SHCBP1L: variants seen among roughly 807,000 people sequenced by gnomAD.
The protein encoded by SHCBP1L is SHC binding and spindle associated 1 like.
A neutral mutation model predicts 62.5 loss-of-function variants in SHCBP1L; 67 were observed. The ratio of observed to expected loss-of-function variants is 1.07; its 90% CI spans 0.88 to 1.31. The LOEUF is 1.31. Among genes scored for constraint, SHCBP1L ranks in the 40% most tolerant of loss-of-function variants. The probability of loss-of-function intolerance (pLI) is 0.00; values close to 1 mark genes in which losing one functional copy is unlikely to be tolerated. For synonymous variants in SHCBP1L, 284 were observed against 289.4 expected, an observed-to-expected ratio of 0.98 and a Z score of 0.19; for missense variants, 823 against 809.8, an observed-to-expected ratio of 1.02 and a Z score of -0.20.
intron 5 of SHCBP1L, among the ~76,000 whole-genome samples, chr1:182,935,306 A>C (rs988016505): frequency 1.1e-4 from 17 of 152,186 alleles, no homozygotes; most frequent in African/African-American, 3.6e-4. Flanking sequence ...CTTCCAATCC[A>C]AGAACATAAG....
At chr1:182,943,377 C>A (rs1651436377) in intron 2 of SHCBP1L, among the ~76,000 whole-genome samples, 2 of 150,794 alleles carry the variant, frequency 1.3e-5, no homozygotes. Flanking sequence ...CTGCCTCAGC[C>A]TCTCAAAGCG....
chr1:182,943,459 T>C (rs577404376), intron 2 of SHCBP1L, among the ~76,000 whole-genome samples: 1 of 150,820 alleles, frequency 6.6e-6, no homozygotes, highest in Non-Finnish European at 1.5e-5. Flanking sequence ...TTTTGTTTTT[T>C]TTTTTGAGAC....
At chr1:182,912,897 G>A (rs919856173) in intron 6 of SHCBP1L, among the ~76,000 whole-genome samples, 12 of 151,790 alleles carry the variant, frequency 7.9e-5, no homozygotes, top group African/African-American at 2.9e-4. Context: ...AGCACTTTGG[G>A]AGGCTGAGGT....
chr1:182,940,539 G>A lies in SHCBP1L; in HGVS notation c.560C>T (p.Thr187Ile). Residue 187 changes from threonine to isoleucine, a missense_variant, in exon 3 of 10, where the codon ACT (threonine) becomes ATT (isoleucine). Transcript: ENST00000367547. Reference protein sequence around the residue: ...IPFVGILVEVTCEPYQDSSSR... With the variant: ...IPFVGILVEVICEPYQDSSSR... ...TGATGAGTCTTGGTATGGTTCACAAGTTACCTAAGATAAATATCATAAGAG... is the reference window on the plus strand; with the variant it reads ...TGATGAGTCTTGGTATGGTTCACAAATTACCTAAGATAAATATCATAAGAG... 4 of 1,612,762 alleles carry A rather than the reference G, an allele frequency of 2.5e-6. No individual in the cohort carries two copies. The highest frequency in any genetic ancestry group is 3.4e-6 in the Non-Finnish European group (4 of 1,179,244).
At chr1:182,944,157 A>AAATAAAT (rs1261244494) in intron 2 of SHCBP1L, among the ~76,000 whole-genome samples, 14 of 53,302 alleles carry the variant, frequency 2.6e-4, no homozygotes, top group Admixed American at 2.0e-3. Context: ...AATAAATAAA[A>AAATAAAT]GAGGCCGGGA....
chr1:182,931,973 T>A (rs996603879), intron 5 of SHCBP1L, among the ~76,000 whole-genome samples: 1 of 142,472 alleles, frequency 7.0e-6, no homozygotes, highest in African/African-American at 2.6e-5. Flanking sequence ...TTTTTTTTTT[T>A]ACTGCCTCCA....
chr1:182,951,559 T>C, intron 1 of SHCBP1L, 92 bp from the exon 2 acceptor site: 1 of 908,180 alleles, frequency 1.1e-6, no homozygotes, highest in Non-Finnish European at 1.5e-6. Context: ...ATTTCTATTT[T>C]AAAATGGAAC....
At position 182,940,453 on chromosome 1, in the gene SHCBP1L, G is replaced by T; in HGVS notation, c.646C>A (p.Pro216Thr). ...EPFSSNIANI[P>T]RDLVDEILEE... is the part of the protein sequence containing the mutation. The stretch of plus-strand genomic sequence containing the variant: ...AAAATCTCATCAACCAAATCTCTTG[G>T]AATATTTGCAATGTTGGAAGAAAAG... Residue 216 changes from proline (P) to threonine (T), a missense_variant, in exon 3 of 10, where the codon CCA becomes ACA. Pro to Thr is a conservative substitution (Grantham distance 38). Coordinates refer to ENST00000367547, the MANE Select transcript of SHCBP1L (RefSeq NM_030933.4). 1 of 1,613,888 alleles carries T rather than the reference G, an allele frequency of 6.2e-7. No homozygotes were observed. The highest frequency in any genetic ancestry group is 8.5e-7 in the Non-Finnish European group (1 of 1,179,944).
intron 5 of SHCBP1L, among the ~76,000 whole-genome samples, chr1:182,931,200 A>G (rs992954726): frequency 2.6e-5 from 4 of 152,054 alleles, no homozygotes; most frequent in African/African-American, 9.7e-5. Flanking sequence ...TTTTATATCT[A>G]TTTAAGCAAG....
At chr1:182,930,179 T>C (rs896060495) in intron 5 of SHCBP1L, among the ~76,000 whole-genome samples, 4 of 152,200 alleles carry the variant, frequency 2.6e-5, no homozygotes, top group Admixed American at 2.0e-4. Context: ...TCAATTAATA[T>C]ATCGTTTTGT....
chr1:182,934,438 C>A (rs1651103845), intron 5 of SHCBP1L, among the ~76,000 whole-genome samples: 1 of 152,082 alleles, frequency 6.6e-6, no homozygotes, highest in Non-Finnish European at 1.5e-5. Context: ...TTACTAATGA[C>A]AAATGAGGTT....
At chr1:182,926,288 G>C (rs958476445) in intron 6 of SHCBP1L, among the ~76,000 whole-genome samples, 1 of 152,186 alleles carries the variant, frequency 6.6e-6, no homozygotes, top group African/African-American at 2.4e-5. Context: ...AGAATCAGTA[G>C]TACAGATGGA....
At chr1:182,940,746 T>C (rs2101952571) in intron 2 of SHCBP1L, among the ~76,000 whole-genome samples, 1 of 152,200 alleles carries the variant, frequency 6.6e-6, no homozygotes, top group East Asian at 1.9e-4. Context: ...AATACATTTT[T>C]TTTCAGTTTC....
intron 6 of SHCBP1L, among the ~76,000 whole-genome samples, chr1:182,909,430 G>C (rs569318553): frequency 2.2e-4 from 33 of 152,274 alleles, no homozygotes; most frequent in African/African-American, 7.5e-4. Flanking sequence ...TTAACAAACT[G>C]GCGGAAACAC....
rs757425525 is a variant in SHCBP1L at position 182,951,317 on chromosome 1, C to A, written c.555+1G>T. ...ACAAAGATCAAATAAAATTTATTTA[C>A]CTCAACCAATATACCAACAAAAGGG... On this transcript the variant is annotated splice_donor_variant, in intron 2 of 9. Transcript: ENST00000367547. LOFTEE classifies it high-confidence loss of function. 5 of 1,542,010 alleles carry A rather than the reference C, an allele frequency of 3.2e-6. No homozygotes were observed. In the South Asian group the frequency reaches 6.5e-5, roughly 20 times the overall value.
intron 6 of SHCBP1L, among the ~76,000 whole-genome samples, chr1:182,912,274 A>T (rs1650212836): frequency 6.6e-6 from 1 of 152,198 alleles, no homozygotes; most frequent in Admixed American, 6.5e-5. Context: ...AGACCCTGTT[A>T]TCCACAAAAA....
intron 5 of SHCBP1L, among the ~76,000 whole-genome samples, chr1:182,930,746 T>TA (rs1650972047): frequency 7.9e-6 from 1 of 126,092 alleles, no homozygotes; most frequent in Non-Finnish European, 1.7e-5. Flanking sequence ...TTTTTTTTTT[T>TA]TTTTTATTAA....
At chr1:182,937,540 A>T (rs1301753044) in intron 5 of SHCBP1L, among the ~76,000 whole-genome samples, 1 of 151,852 alleles carries the variant, frequency 6.6e-6, no homozygotes, top group Non-Finnish European at 1.5e-5. Flanking sequence ...AGCTTTATGG[A>T]TCTGTGGTTT....
rs1377064501 is a variant in SHCBP1L at position 182,906,916 on chromosome 1, C to G, written c.1183-1267G>C. On this transcript the variant is annotated intron_variant, in intron 6 of 9. Transcript: ENST00000367547. ...CACTGCAGCCTAAACCTCCCAGGCT[C>G]AAGTGATCCTCCCACCTCAGCCTCC... Among the ~76,000 whole-genome samples, 3 of 152,014 alleles carry G rather than the reference C, an allele frequency of 2.0e-5. No homozygotes were observed. In the East Asian group the frequency reaches 5.9e-4, roughly 30 times the overall value.
Sources: gnomAD v4.1 joint callset for allele counts (sites outside exome capture counted in the v4.1 genomes callset) on GRCh38, gnomAD v4.1.1 for gene constraint, MANE v1.5 for transcripts, NCBI Gene and HGNC (gene_info 2026-07-23, HGNC 2026-07-21) for gene names.